The following EYA4 variants were observed in gnomAD, a reference collection of about 807,000 sequenced individuals.
The protein encoded by EYA4 is EYA transcriptional coactivator and phosphatase 4, also known as protein phosphatase EYA4.
Under a neutral mutation model 87.9 loss-of-function variants are expected in EYA4, and 31 were observed. That is an observed-to-expected ratio of 0.35 (90% CI 0.27 to 0.48). The LOEUF (loss-of-function observed/expected upper bound fraction) is 0.48, where lower values mean the gene tolerates loss of function less well. Ranked by LOEUF, EYA4 falls within the 20% of genes least tolerant of loss-of-function variation. The pLI, the probability that EYA4 is intolerant of heterozygous loss-of-function variation, is 0.99. For missense variants in EYA4, 678 were observed against 761.4 expected, an observed-to-expected ratio of 0.89 and a Z score of 1.29; for synonymous variants, 263 against 270.6, an observed-to-expected ratio of 0.97 and a Z score of 0.28.
At chr6:133,360,062 T>G (rs1230883618) in intron 2 of EYA4, 2 of 152,156 alleles carry the variant, frequency 1.3e-5, no homozygotes, top group Admixed American at 1.3e-4. Flanking sequence ...TTTTCTTCTG[T>G]TACTCATCAG....
chr6:133,489,640 T>C (rs1044241312), intron 13 of EYA4, among the ~76,000 whole-genome samples: 1 of 152,042 alleles, frequency 6.6e-6, no homozygotes, highest in East Asian at 1.9e-4. Context: ...AAACCATATT[T>C]ACCCTAGAAT....
At chr6:133,250,432 A>G (rs1465581236) in intron 1 of EYA4, among the ~76,000 whole-genome samples, 1 of 152,108 alleles carries the variant, frequency 6.6e-6, no homozygotes, top group Non-Finnish European at 1.5e-5. Flanking sequence ...ACCTGAAGTC[A>G]GGAGTTCGAG....
At chr6:133,497,295 C>T (rs1797723976) in intron 13 of EYA4, among the ~76,000 whole-genome samples, 1 of 152,046 alleles carries the variant, frequency 6.6e-6, no homozygotes, top group African/African-American at 2.4e-5. Context: ...TGACCTTTTA[C>T]CCATAAATTG....
chr6:133,396,945 A>T (rs1056896248), intron 3 of EYA4, among the ~76,000 whole-genome samples: 13 of 152,208 alleles, frequency 8.5e-5, no homozygotes, highest in Non-Finnish European at 7.3e-5. Flanking sequence ...TACCCAAGAG[A>T]TGCATGATTT....
intron 2 of EYA4, among the ~76,000 whole-genome samples, chr6:133,359,020 T>C (rs1784274374): frequency 6.6e-6 from 1 of 151,788 alleles, no homozygotes; most frequent in South Asian, 2.1e-4. Flanking sequence ...AGAGGCCTCG[T>C]AAGAAAAAAA....
chr6:133,333,949 G>A (rs775985371), intron 2 of EYA4, among the ~76,000 whole-genome samples: 1 of 152,124 alleles, frequency 6.6e-6, no homozygotes, highest in African/African-American at 2.4e-5. Flanking sequence ...TGGGCTCTAT[G>A]TATACTAAGG....
chr6:133,259,926 C>G (rs548523599), intron 1 of EYA4, among the ~76,000 whole-genome samples: 1 of 152,254 alleles, frequency 6.6e-6, no homozygotes, highest in East Asian at 1.9e-4. Flanking sequence ...GCACACACTT[C>G]TTGAGATTTA....
intron 2 of EYA4, among the ~76,000 whole-genome samples, chr6:133,330,564 TATATACACACACAC>T (rs1448957958): frequency 1.8e-5 from 1 of 54,868 alleles, no homozygotes; most frequent in Non-Finnish European, 3.4e-5. Context: ...TATATATATA[TATATACACACACAC>T]ACACACACAC....
At chr6:133,273,862 A>C (rs952460134) in intron 1 of EYA4, among the ~76,000 whole-genome samples, 4 of 151,864 alleles carry the variant, frequency 2.6e-5, no homozygotes, top group African/African-American at 9.7e-5. Flanking sequence ...TTGCACAGGT[A>C]TTTCTAGATT....
chr6:133,269,716 C>T (rs965844888), intron 1 of EYA4, among the ~76,000 whole-genome samples: 5 of 152,164 alleles, frequency 3.3e-5, no homozygotes, highest in Admixed American at 6.5e-5. Flanking sequence ...CTGAGCAAAA[C>T]ATCTACTGAT....
At chr6:133,378,691 T>A (rs187857498) in intron 2 of EYA4, among the ~76,000 whole-genome samples, 2 of 152,202 alleles carry the variant, frequency 1.3e-5, no homozygotes, top group South Asian at 4.1e-4. Context: ...CACTCAAAAA[T>A]TTTAGCTGTT....
Position 133,530,430 on chromosome 6 carries a change from T to G in EYA4, c.*1625T>G, listed in dbSNP as rs1241019567. On this transcript the variant is annotated 3_prime_UTR_variant, in exon 20 of 20. Coordinates refer to ENST00000355286, the MANE Select transcript of EYA4 (RefSeq NM_004100.5). Reference sequence around the variant, plus strand: ...GATTTCCCTTGTGGAAATTTAAGACTTTAAGAACTAGAGTATTTTTATGGT... The same window carrying G: ...GATTTCCCTTGTGGAAATTTAAGACGTTAAGAACTAGAGTATTTTTATGGT... 1.0e-6 allele frequency: 1 copy of G among 985,470 alleles called. No homozygotes were observed. The highest frequency in any genetic ancestry group is 1.1e-4 in the East Asian group (1 of 8,826). 61.0% of individuals were successfully genotyped at this position (985,470 alleles called of 1,614,324 possible).
At chr6:133,435,948 C>T (rs1383216851) in intron 3 of EYA4, among the ~76,000 whole-genome samples, 5 of 152,100 alleles carry the variant, frequency 3.3e-5, no homozygotes, top group Admixed American at 2.0e-4. Flanking sequence ...AGGCTGGGCG[C>T]GGTGGCTCAC....
At chr6:133,383,544 A>AAAAAAAAAAAAAAAAAC in intron 3 of EYA4, among the ~76,000 whole-genome samples, 1 of 150,808 alleles carries the variant, frequency 6.6e-6, no homozygotes, top group Non-Finnish European at 1.5e-5. Flanking sequence ...AAAAAAAAAA[A>AAAAAAAAAAAAAAAAAC]ATGTAATGGC....
At chr6:133,461,895 G>A (rs1794422860) in intron 7 of EYA4, among the ~76,000 whole-genome samples, 1 of 150,476 alleles carries the variant, frequency 6.6e-6, no homozygotes, top group African/African-American at 2.4e-5. Context: ...ATTCTTAGTA[G>A]GGCTTTTAAA....
intron 8 of EYA4, 38 bp from the exon 9 acceptor site, chr6:133,462,583 A>G (rs113746497): frequency 1.2e-6 from 2 of 1,613,216 alleles, no homozygotes; most frequent in Non-Finnish European, 8.5e-7. Context: ...AAATCATCTT[A>G]CTAATTAAAT....
chr6:133,404,492 T>C (rs1238803844), intron 3 of EYA4, among the ~76,000 whole-genome samples: 1 of 152,168 alleles, frequency 6.6e-6, no homozygotes, highest in Non-Finnish European at 1.5e-5. Flanking sequence ...CAGAGCTGTT[T>C]TTTTTTTCGT....
chr6:133,330,552 T>TAC (rs1781849412), intron 2 of EYA4, among the ~76,000 whole-genome samples: 1 of 55,864 alleles, frequency 1.8e-5, no homozygotes, highest in Non-Finnish European at 3.4e-5. Context: ...CTGAGATTTA[T>TAC]ATATATATAT....
intron 19 of EYA4, among the ~76,000 whole-genome samples, chr6:133,527,199 G>T (rs1267386719): frequency 6.6e-6 from 1 of 152,176 alleles, no homozygotes; most frequent in African/African-American, 2.4e-5. Context: ...TACCCAGAAT[G>T]CATGCTTTTC....
Sources: gnomAD v4.1 joint callset for allele counts (sites outside exome capture counted in the v4.1 genomes callset) on GRCh38, gnomAD v4.1.1 for gene constraint, MANE v1.5 for transcripts, NCBI Gene and HGNC (gene_info 2026-07-23, HGNC 2026-07-21) for gene names.